The following NAB1 variants were observed in gnomAD, a reference collection of about 807,000 sequenced individuals.
The protein encoded by NAB1 is NGFI-A binding protein 1, also known as NGFI-A-binding protein 1.
In NAB1, 25 loss-of-function variants were observed where a neutral mutation model predicts 49.9. The observed-to-expected ratio is 0.50, with a 90% CI of 0.37 to 0.70. NAB1 has a LOEUF of 0.70. Ranked by LOEUF, NAB1 falls within the 30% of genes least tolerant of loss-of-function variation. The probability of loss-of-function intolerance (pLI) is 0.00; values close to 1 mark genes in which losing one functional copy is unlikely to be tolerated. For missense variants in NAB1, 489 were observed against 575.9 expected (o/e 0.85, Z 1.54); for synonymous variants, 198 against 215.6 (o/e 0.92, Z 0.71).
At chr2:190,658,897 G>A (rs1694072346) in intron 3 of NAB1, among the ~76,000 whole-genome samples, 1 of 152,160 alleles carries the variant, frequency 6.6e-6, no homozygotes, top group Admixed American at 6.5e-5. Flanking sequence ...GGAACCTTTG[G>A]TTTGATCCTT....
chr2:190,662,360 T>TA (rs761436800), intron 4 of NAB1, among the ~76,000 whole-genome samples: 43 of 151,756 alleles, frequency 2.8e-4, no homozygotes, highest in Non-Finnish European at 4.1e-4. Flanking sequence ...CGTAAAGAAT[T>TA]ATGGAATGAC....
rs765111591 is a variant in NAB1, at chr2:190,686,777, G to A, written c.1259-424G>A. Among the ~76,000 whole-genome samples, 3 of 151,800 alleles carry A rather than the reference G, an allele frequency of 2.0e-5. No homozygotes were observed. The highest frequency in any genetic ancestry group is 6.6e-5 in the Admixed American group (1 of 15,224). On this transcript the variant is annotated intron_variant, in intron 8 of 9. Transcript: ENST00000337386. This position sits in a 1 kb window ranked among gnomAD's most constrained non-coding sequence, Gnocchi z 5.5. ...ATTTGTGCTAAATCTGTTTTTTCAC[G>A]GATTTTGCTGTAGTTTTTTTTTTTT...
rs1693688604 is a variant in NAB1, at chr2:190,651,918, T to G, written c.-197+1936T>G. On this transcript the variant is annotated intron_variant, in intron 2 of 9. Coordinates refer to ENST00000337386, the MANE Select transcript of NAB1 (RefSeq NM_005966.4). The surrounding 1 kb of genome is among the most constrained non-coding windows in gnomAD (Gnocchi z 4.3). ...TATTATAGCATAAATAATACCCACTTGAGCATAATAGAAGATTGCTAGACC... is the reference window on the plus strand; with the variant it reads ...TATTATAGCATAAATAATACCCACTGGAGCATAATAGAAGATTGCTAGACC... 1.3e-5 allele frequency among the ~76,000 whole-genome samples: 2 copies of G among 152,234 alleles called. No individual in the cohort carries two copies. The highest frequency in any genetic ancestry group is 2.9e-5 in the Non-Finnish European group (2 of 68,046).
rs1460901303 is a variant in NAB1, at chr2:190,669,153, A to G, written c.820-1173A>G. On this transcript the variant is annotated intron_variant, in intron 4 of 9. Coordinates refer to ENST00000337386, the MANE Select transcript of NAB1 (RefSeq NM_005966.4). The surrounding 1 kb of genome is among the most constrained non-coding windows in gnomAD (Gnocchi z 4.3). ...ACACTGGACAAAGGGATGATTCATC[A>G]CTTGGATGAGACAGAGTGAGATGGC... Among the ~76,000 whole-genome samples the G allele has an allele frequency of 2.0e-5, 3 of 152,238 alleles. No individual in the cohort carries two copies. Among genetic ancestry groups the G allele is most frequent in the Non-Finnish European group, 4.4e-5 (3 of 68,040 alleles).
At chr2:190,653,987 A>G (rs1693798318) in intron 2 of NAB1, among the ~76,000 whole-genome samples, 1 of 152,200 alleles carries the variant, frequency 6.6e-6, no homozygotes, top group East Asian at 1.9e-4. Context: ...TGGATTGGCA[A>G]TTCATTGAGA....
At position 190,686,075 on chromosome 2, in the gene NAB1, T is replaced by TAC. The variant is rs1414051563; in HGVS notation, c.1258+439_1258+440dup. Among the ~76,000 whole-genome samples, 3 of 152,344 alleles carry TAC rather than the reference T, an allele frequency of 2.0e-5. No individual in the cohort carries two copies. Among genetic ancestry groups the TAC allele is most frequent in the East Asian group, 3.9e-4 (2 of 5,194 alleles). ...CTGCATCTAAAGTGTTATGACAGAGTACAGCTCAGGTTTAGAAAGCCATGT... is the reference window on the plus strand; with the variant it reads ...CTGCATCTAAAGTGTTATGACAGAGTACACAGCTCAGGTTTAGAAAGCCATGT... On this transcript the variant is annotated intron_variant, in intron 8 of 9. Coordinates refer to ENST00000337386, the MANE Select transcript of NAB1 (RefSeq NM_005966.4). This position sits in a 1 kb window ranked among gnomAD's most constrained non-coding sequence, Gnocchi z 5.5.
chr2:190,685,344 A>T lies in NAB1; in HGVS notation c.1096-132A>T. 1 of 735,816 alleles carries T rather than the reference A, an allele frequency of 1.4e-6. No individual in the cohort carries two copies. Among genetic ancestry groups the T allele is most frequent in the South Asian group, 2.2e-5 (1 of 46,340 alleles). 45.6% of individuals were successfully genotyped at this position (735,816 alleles called of 1,614,324 possible). On this transcript the variant is annotated intron_variant, in intron 7 of 9. Transcript: ENST00000337386. This position sits in a 1 kb window ranked among gnomAD's most constrained non-coding sequence, Gnocchi z 4.5. ...ATCTATGCATATTTATGGAATTTGTATACCACATGAAGTGTGAACTAATTT... is the reference window on the plus strand; with the variant it reads ...ATCTATGCATATTTATGGAATTTGTTTACCACATGAAGTGTGAACTAATTT...
Position 190,677,436 on chromosome 2 carries a change from G to C in NAB1, c.1005+4284G>C, listed in dbSNP as rs1695127165. The C allele has an allele frequency of 6.6e-6, 1 of 152,220 alleles. No homozygotes were observed. The highest frequency in any genetic ancestry group is 2.4e-5 in the African/African-American group (1 of 41,456). 9.4% of individuals were successfully genotyped at this position (152,220 alleles called of 1,614,324 possible). A position where few individuals can be genotyped will look rare whatever the true frequency, so the allele number is the denominator to read the frequency against. On this transcript the variant is annotated intron_variant, in intron 6 of 9. Transcript: ENST00000337386. The surrounding 1 kb of genome is among the most constrained non-coding windows in gnomAD (Gnocchi z 5.6). ...AGGGAAACGTTTCTTCAGCTAGTTA[G>C]TAAGTGAGGTTGGAATCCTTCTGCT...
Position 190,657,267 on chromosome 2 carries a change from G to T in NAB1, c.-20+1114G>T, listed in dbSNP as rs1390404792. ...AGATTCTCCCTGGAGTGGGAGGACA[G>T]GCAGAGCCTCCTTTAGGTGATTTAG... is the stretch of plus-strand genomic sequence containing the variant. On this transcript the variant is annotated intron_variant, in intron 3 of 9. Transcript: ENST00000337386. This position sits in a 1 kb window ranked among gnomAD's most constrained non-coding sequence, Gnocchi z 4.4. Among the ~76,000 whole-genome samples the T allele has an allele frequency of 2.0e-5, 3 of 152,190 alleles. No homozygotes were observed. The highest frequency in any genetic ancestry group is 4.4e-5 in the Non-Finnish European group (3 of 68,036).
Position 190,682,674 on chromosome 2 carries a change from T to C in NAB1, c.1006-1064T>C, listed in dbSNP as rs1695407143. 6.6e-6 allele frequency among the ~76,000 whole-genome samples: 1 copy of C among 152,204 alleles called. No individual in the cohort carries two copies. The highest frequency in any genetic ancestry group is 6.5e-5 in the Admixed American group (1 of 15,280). ...TCTGAAGCAGAATTTCTCTAAACTT[T>C]ATAGCAACAGTTGAAATCACAAAAT... On this transcript the variant is annotated intron_variant, in intron 6 of 9. Coordinates refer to ENST00000337386, the MANE Select transcript of NAB1 (RefSeq NM_005966.4). The surrounding 1 kb of genome is among the most constrained non-coding windows in gnomAD (Gnocchi z 4.1).
rs765999756 is a variant in NAB1 at position 190,685,591 on chromosome 2, A to T, written c.1211A>T (p.Glu404Val). 6 of 1,614,052 alleles carry T rather than the reference A, an allele frequency of 3.7e-6. No individual in the cohort carries two copies. The South Asian group carries it at 6.6e-5, about 18-fold the overall frequency. The change falls in exon 8 of 10, where the codon GAA becomes GTA. Residue 404 changes from glutamate (E) to valine (V), a missense_variant. Around this residue, in one of 4 missense-constraint regions of NAB1, gnomAD observed 212 missense variants for 199.3 expected, o/e 1.06. Coordinates refer to ENST00000337386, the MANE Select transcript of NAB1 (RefSeq NM_005966.4). This position sits in a 1 kb window ranked among gnomAD's most constrained non-coding sequence, Gnocchi z 4.5. ...GCAGGGCTTTACAGGCAGAGCTCAG[A>T]AGAGCACAGTCCTAACGGCTTGACT... ...LSAGLYRQSS[E>V]EHSPNGLTSD... is the part of the protein sequence containing the mutation.
At position 190,676,228 on chromosome 2, in the gene NAB1, A is replaced by G. The variant is rs1368687060; in HGVS notation, c.1005+3076A>G. ...GGGAGGGGATTGGGGTGGCATTATAAAGATAGACTAGCATGGGCAAAGACA... is the reference window on the plus strand; with the variant it reads ...GGGAGGGGATTGGGGTGGCATTATAGAGATAGACTAGCATGGGCAAAGACA... On this transcript the variant is annotated intron_variant, in intron 6 of 9. Transcript: ENST00000337386. This position sits in a 1 kb window ranked among gnomAD's most constrained non-coding sequence, Gnocchi z 4.6. 3.3e-5 allele frequency among the ~76,000 whole-genome samples: 5 copies of G among 152,172 alleles called. No individual in the cohort carries two copies. Among genetic ancestry groups the G allele is most frequent in the Non-Finnish European group, 7.3e-5 (5 of 68,032 alleles).
At position 190,691,485 on chromosome 2, in the gene NAB1, ATTTAT is replaced by A. The variant is rs1378537333; in HGVS notation, c.*1157_*1161del. On this transcript the variant is annotated 3_prime_UTR_variant, in exon 10 of 10. Coordinates refer to ENST00000337386, the MANE Select transcript of NAB1 (RefSeq NM_005966.4). This position sits in a 1 kb window ranked among gnomAD's most constrained non-coding sequence, Gnocchi z 4.1. ...TTTATGAATGCAGTTTTTTCTTAAA[ATTTAT>A]TTTAACTTGACAGTATGTTTTTAGT... The A allele has an allele frequency of 6.6e-6, 1 of 152,154 alleles. No homozygotes were observed. Among genetic ancestry groups the A allele is most frequent in the African/African-American group, 2.4e-5 (1 of 41,448 alleles). 9.4% of individuals were successfully genotyped at this position (152,154 alleles called of 1,614,324 possible). A position where few individuals can be genotyped will look rare whatever the true frequency, so the allele number is the denominator to read the frequency against.
Position 190,651,778 on chromosome 2 carries a change from A to G in NAB1, c.-197+1796A>G, listed in dbSNP as rs957005151. Reference sequence around the variant, plus strand: ...CTTTGTAAAATTTACCTTTAAATGCAAAGCTGTGTTTTGGATGGAAGTGAC... The same window carrying G: ...CTTTGTAAAATTTACCTTTAAATGCGAAGCTGTGTTTTGGATGGAAGTGAC... On this transcript the variant is annotated intron_variant, in intron 2 of 9. Transcript: ENST00000337386. The surrounding 1 kb of genome is among the most constrained non-coding windows in gnomAD (Gnocchi z 4.3). Among the ~76,000 whole-genome samples, 1 of 152,374 alleles carries G rather than the reference A, an allele frequency of 6.6e-6. No homozygotes were observed. The highest frequency in any genetic ancestry group is 2.4e-5 in the African/African-American group (1 of 41,592).
chr2:190,685,847 G>C lies in NAB1; in HGVS notation c.1258+209G>C, dbSNP rs572330929. Among the ~76,000 whole-genome samples, 2 of 152,150 alleles carry C rather than the reference G, an allele frequency of 1.3e-5. No individual in the cohort carries two copies. The highest frequency in any genetic ancestry group is 4.8e-5 in the African/African-American group (2 of 41,428). ...TTGTAAATTTTTTAATCTTTAAGCA[G>C]TTGGCACCTGAGATTGACATGTATT... On this transcript the variant is annotated intron_variant, in intron 8 of 9. Transcript: ENST00000337386. The surrounding 1 kb of genome is among the most constrained non-coding windows in gnomAD (Gnocchi z 4.5).
chr2:190,655,590 A>C (rs910941029), intron 2 of NAB1, among the ~76,000 whole-genome samples: 1 of 152,244 alleles, frequency 6.6e-6, no homozygotes, highest in Non-Finnish European at 1.5e-5. Flanking sequence ...GAGTTTTGAT[A>C]GAATGGTGAG....
At chr2:190,688,019 A>G (rs1051781639) in intron 9 of NAB1, among the ~76,000 whole-genome samples, 2 of 152,228 alleles carry the variant, frequency 1.3e-5, no homozygotes, top group African/African-American at 2.4e-5. Flanking sequence ...GCTCCTTATC[A>G]TAGTTAGATA....
rs143099718 is a variant in NAB1, at chr2:190,667,192, T to G, written c.820-3134T>G. On this transcript the variant is annotated intron_variant, in intron 4 of 9. Transcript: ENST00000337386. The surrounding 1 kb of genome is among the most constrained non-coding windows in gnomAD (Gnocchi z 4.4). ...GAATTCAGTGACAATGAATGCATTA[T>G]GTTTATTTTTCTTGGTTTCTGGAAA... 3.6e-3 allele frequency among the ~76,000 whole-genome samples: 549 copies of G among 152,306 alleles called. 2 individuals carry two copies. Among genetic ancestry groups the G allele is most frequent in the African/African-American group, 0.013 (525 of 41,564 alleles).
At position 190,649,378 on chromosome 2, in the gene NAB1, C is replaced by T. The variant is rs1173519157; in HGVS notation, c.-334+18C>T. 2 of 152,166 alleles carry T rather than the reference C, an allele frequency of 1.3e-5. No homozygotes were observed. Among genetic ancestry groups the T allele is most frequent in the Non-Finnish European group, 2.9e-5 (2 of 68,074 alleles). 9.4% of individuals were successfully genotyped at this position (152,166 alleles called of 1,614,324 possible). ...CTGGCTGAGTACGTACCGGAGCGGACGGTCGCCACTCCCGGTCCGCCAAGT... is the reference window on the plus strand; with the variant it reads ...CTGGCTGAGTACGTACCGGAGCGGATGGTCGCCACTCCCGGTCCGCCAAGT... On this transcript the variant is annotated intron_variant, in intron 1 of 9. Coordinates refer to ENST00000337386, the MANE Select transcript of NAB1 (RefSeq NM_005966.4). The surrounding 1 kb of genome is among the most constrained non-coding windows in gnomAD (Gnocchi z 6.1).
Sources: allele counts gnomAD v4.1 joint callset (sites outside exome capture counted in the v4.1 genomes callset), GRCh38; gene constraint gnomAD v4.1.1; regional missense constraint gnomAD v4.1.1; non-coding constraint Gnocchi (gnomAD v3.1); transcripts MANE v1.5; gene names NCBI Gene and HGNC (gene_info 2026-07-23, HGNC 2026-07-21).